BLTP3B: variants seen among roughly 807,000 people sequenced by gnomAD.
BLTP3B encodes bridge-like lipid transfer protein family member 3B, also known as UHRF1 (ICBP90) binding protein 1-like.
At chr12:100,118,260 T>G in the BLTP3B span, among the ~76,000 whole-genome samples, 1 of 152,028 alleles carries the variant, frequency 6.6e-6, no homozygotes, top group Non-Finnish European at 1.5e-5. Context: ...GGTGTAGTGG[T>G]GCATGCCTGT....
At chr12:100,062,106 A>T in the BLTP3B span, among the ~76,000 whole-genome samples, 2 of 152,220 alleles carry the variant, frequency 1.3e-5, no homozygotes, top group Admixed American at 6.5e-5. Context: ...ATCTACAAAG[A>T]GAGCAGTCTC....
At chr12:100,047,646 A>T in the BLTP3B span, 1 of 1,559,114 alleles carries the variant, frequency 6.4e-7, no homozygotes, top group Non-Finnish European at 8.8e-7. Context: ...ATCCTACAGG[A>T]AAGAAAAATA....
the BLTP3B span, chr12:100,072,548 A>T: frequency 1.1e-6 from 1 of 898,444 alleles, no homozygotes; most frequent in African/African-American, 1.8e-5. Context: ...CTCTCAAAAA[A>T]CTAATAATAA....
At chr12:100,069,980 A>C in the BLTP3B span, 2 of 1,209,932 alleles carry the variant, frequency 1.7e-6, no homozygotes, top group African/African-American at 3.1e-5. Context: ...ATGATTATGC[A>C]ATAACAGACA....
At chr12:100,089,361 C>T in the BLTP3B span, among the ~76,000 whole-genome samples, 4 of 152,110 alleles carry the variant, frequency 2.6e-5, no homozygotes, top group Non-Finnish European at 5.9e-5. Flanking sequence ...GAGTTCAAGA[C>T]CAGCCTCGCT....
At chr12:100,129,515 C>A in the BLTP3B span, among the ~76,000 whole-genome samples, 1 of 152,196 alleles carries the variant, frequency 6.6e-6, no homozygotes, top group African/African-American at 2.4e-5. Flanking sequence ...AAGTCCCTGG[C>A]TTCTAAAACA....
chr12:100,134,697 T>C, the BLTP3B span, among the ~76,000 whole-genome samples: 1 of 152,146 alleles, frequency 6.6e-6, no homozygotes, highest in South Asian at 2.1e-4. Flanking sequence ...AGCCTGCTCC[T>C]CCTGCAGTCT....
chr12:100,069,458 G>A, the BLTP3B span, among the ~76,000 whole-genome samples: 28 of 151,838 alleles, frequency 1.8e-4, no homozygotes, highest in Admixed American at 5.9e-4. Context: ...ATATATGTGC[G>A]TGTGTATATA....
chr12:100,109,159 CCTCTCTCTCTCTCTCT>C, the BLTP3B span, among the ~76,000 whole-genome samples: 1,091 of 65,358 alleles, frequency 0.017, 23 homozygotes, highest in East Asian at 0.073. Context: ...TGGCAGTTTT[CCTCTCTCTCTCTCTCT>C]CTCTCTCTCT....
At chr12:100,129,255 A>G in the BLTP3B span, among the ~76,000 whole-genome samples, 6 of 152,250 alleles carry the variant, frequency 3.9e-5, no homozygotes, top group Admixed American at 3.3e-4. Flanking sequence ...ATACTCAAAA[A>G]TAAATTGGAA....
chr12:100,095,452 T>G, the BLTP3B span, among the ~76,000 whole-genome samples: 6 of 152,348 alleles, frequency 3.9e-5, no homozygotes, highest in East Asian at 1.2e-3. Context: ...CATCATTAGC[T>G]TTAGTGCCTA....
chr12:100,097,656 C>T, the BLTP3B span: 1 of 836,086 alleles, frequency 1.2e-6, no homozygotes, highest in South Asian at 2.3e-5. Flanking sequence ...TTGTAAATTG[C>T]ATTATTCCAT....
chr12:100,093,618 A>G, the BLTP3B span, among the ~76,000 whole-genome samples: 1 of 152,158 alleles, frequency 6.6e-6, no homozygotes, highest in East Asian at 1.9e-4. Flanking sequence ...ATGAGTAATA[A>G]TGTCTTTCAT....
chr12:100,132,265 TTA>T, the BLTP3B span, among the ~76,000 whole-genome samples: 1 of 152,102 alleles, frequency 6.6e-6, no homozygotes, highest in Non-Finnish European at 1.5e-5. Flanking sequence ...AAAAAAGACA[TTA>T]TGTTTTCCCG....
the BLTP3B span, among the ~76,000 whole-genome samples, chr12:100,064,964 T>C: frequency 6.7e-6 from 1 of 150,254 alleles, no homozygotes; most frequent in Non-Finnish European, 1.5e-5. Flanking sequence ...CACGTCTCAA[T>C]ACTAACATTG....
chr12:100,050,625 C>A, the BLTP3B span, among the ~76,000 whole-genome samples: 2 of 152,050 alleles, frequency 1.3e-5, no homozygotes. Context: ...TTAGCTTGGG[C>A]AACACAGTGA....
At chr12:100,048,603 TCCTCATTAAATTGGGTCCTTAAATAA>T in the BLTP3B span, among the ~76,000 whole-genome samples, 35 of 152,160 alleles carry the variant, frequency 2.3e-4, no homozygotes, top group African/African-American at 8.2e-4. Context: ...TTTTGCACCT[TCCTCATTAAATTGGGTCCTTAAATAA>T]CCTCATTAAA....
the BLTP3B span, among the ~76,000 whole-genome samples, chr12:100,106,479 C>A: frequency 6.6e-6 from 1 of 152,112 alleles, no homozygotes; most frequent in Non-Finnish European, 1.5e-5. Context: ...AACTGGAGGC[C>A]ATTATTCTAA....
the BLTP3B span, chr12:100,059,618 CTT>C: frequency 7.1e-7 from 1 of 1,407,918 alleles, no homozygotes; most frequent in Non-Finnish European, 9.4e-7. Context: ...CTCAGAAATT[CTT>C]TTTCTTGACC....
Sources: allele counts gnomAD v4.1 joint callset (sites outside exome capture counted in the v4.1 genomes callset), GRCh38; gene constraint gnomAD v4.1.1; transcripts MANE v1.5; gene names NCBI Gene and HGNC (gene_info 2026-07-23, HGNC 2026-07-21).